The following RASGRP3 variants were observed in gnomAD, a reference collection of about 807,000 sequenced individuals.
RASGRP3 encodes RAS guanyl releasing protein 3.
RASGRP3 carries 54 observed loss-of-function variants against 82.7 expected under a neutral mutation model. The observed-to-expected ratio is 0.65, with a 90% CI of 0.52 to 0.82. The LOEUF is 0.82. Ranked by LOEUF, RASGRP3 falls within the 40% of genes least tolerant of loss-of-function variation. The pLI is 0.00. For synonymous variants in RASGRP3, 309 were observed against 300.5 expected, an observed-to-expected ratio of 1.03 and a Z score of -0.29; for missense variants, 861 against 828.9, an observed-to-expected ratio of 1.04 and a Z score of -0.48.
intron 1 of RASGRP3, among the ~76,000 whole-genome samples, chr2:33,438,711 T>A (rs1247519776): frequency 1.3e-5 from 2 of 152,220 alleles, no homozygotes; most frequent in African/African-American, 4.8e-5. Flanking sequence ...GTTAGCTAAT[T>A]TTGAAAAAAA....
chr2:33,468,252 T>G (rs1445543331), intron 2 of RASGRP3, among the ~76,000 whole-genome samples: 1 of 152,080 alleles, frequency 6.6e-6, no homozygotes, highest in Non-Finnish European at 1.5e-5. Flanking sequence ...CCAGAAATAA[T>G]CACTATTAAA....
At chr2:33,524,139 C>T (rs1322038881) in intron 8 of RASGRP3, 87 bp downstream of exon 8, 1 of 1,459,118 alleles carries the variant, frequency 6.9e-7, no homozygotes, top group African/African-American at 1.4e-5. Context: ...GTGGCGTTCA[C>T]AGTATAAGGG....
At chr2:33,533,635 C>G (rs1234753005) in intron 10 of RASGRP3, 2 of 152,186 alleles carry the variant, frequency 1.3e-5, no homozygotes. Context: ...GGTTACAGAG[C>G]TAGCCAGTGG....
At chr2:33,552,374 G>A (rs1050263083) in intron 14 of RASGRP3, among the ~76,000 whole-genome samples, 6 of 152,166 alleles carry the variant, frequency 3.9e-5, no homozygotes, top group Admixed American at 2.6e-4. Flanking sequence ...TATTAGACAC[G>A]TTGCACGTCA....
intron 1 of RASGRP3, among the ~76,000 whole-genome samples, chr2:33,497,973 C>CCCTTTCTCCAGCCCTTCTTT (rs879261252): frequency 0.022 from 3,405 of 151,954 alleles, 140 homozygotes; most frequent in East Asian, 0.13. Context: ...TTTTTCCCCT[C>CCCTTTCTCCAGCCCTTCTTT]CCTTTCTCCA....
At chr2:33,532,952 C>T (rs191909647) in intron 10 of RASGRP3, 4 of 152,312 alleles carry the variant, frequency 2.6e-5, no homozygotes, top group Admixed American at 2.0e-4. Flanking sequence ...GAAAAGGAAT[C>T]TTTGAAAACA....
At chr2:33,470,093 C>T (rs1017416769) in intron 2 of RASGRP3, among the ~76,000 whole-genome samples, 2 of 152,036 alleles carry the variant, frequency 1.3e-5, no homozygotes, top group Non-Finnish European at 2.9e-5. Flanking sequence ...CTTTACCATT[C>T]TCAGTTTTTT....
At chr2:33,520,056 C>T (rs770776589) in intron 5 of RASGRP3, 42 bp downstream of exon 5, 1 of 1,473,944 alleles carries the variant, frequency 6.8e-7, no homozygotes, top group Non-Finnish European at 9.3e-7. Context: ...GTTTCTGGTT[C>T]TGGAATCGTG....
chr2:33,474,995 C>CCAT (rs1667273358), upstream of RASGRP3, among the ~76,000 whole-genome samples: 2 of 152,060 alleles, frequency 1.3e-5, no homozygotes, highest in African/African-American at 4.8e-5. Context: ...TGGATGGATG[C>CCAT]CATCAGATCA....
chr2:33,562,636 C>G, intron 17 of RASGRP3, 93 bp from the exon 18 acceptor site: 1 of 1,326,248 alleles, frequency 7.5e-7, no homozygotes, highest in Non-Finnish European at 1.1e-6. Context: ...TTCAGATGTT[C>G]CCTCAAAGTC....
chr2:33,463,025 G>A (rs1364795401), intron 2 of RASGRP3, among the ~76,000 whole-genome samples: 6 of 152,074 alleles, frequency 3.9e-5, no homozygotes, highest in Admixed American at 6.6e-5. Flanking sequence ...ATCAACAGTG[G>A]CATTTCAGAA....
intron 1 of RASGRP3, among the ~76,000 whole-genome samples, chr2:33,507,732 G>C (rs1014537262): frequency 6.6e-6 from 1 of 152,058 alleles, no homozygotes; most frequent in African/African-American, 2.4e-5. Flanking sequence ...CACCATGTTG[G>C]CCAGGCTGGT....
intron 4 of RASGRP3, among the ~76,000 whole-genome samples, chr2:33,517,999 C>A (rs899716236): frequency 2.6e-5 from 4 of 152,106 alleles, no homozygotes; most frequent in Non-Finnish European, 4.4e-5. Flanking sequence ...AATAAATACG[C>A]TTACAAGTAA....
At chr2:33,489,305 C>G (rs1437379161) in intron 1 of RASGRP3, among the ~76,000 whole-genome samples, 2 of 152,190 alleles carry the variant, frequency 1.3e-5, no homozygotes, top group South Asian at 2.1e-4. Context: ...AACATTTTTG[C>G]TTGTCTGCTG....
At chr2:33,482,386 G>A (rs1668018081) in intron 1 of RASGRP3, 1 of 152,144 alleles carries the variant, frequency 6.6e-6, no homozygotes, top group South Asian at 2.1e-4. Context: ...TAGTCAAGTT[G>A]GAGTTATACC....
intron 2 of RASGRP3, among the ~76,000 whole-genome samples, chr2:33,456,986 T>C (rs1157243899): frequency 6.8e-6 from 1 of 147,480 alleles, no homozygotes; most frequent in African/African-American, 2.5e-5. Flanking sequence ...CACTGCAGCC[T>C]CTGCCTCCCA....
intron 1 of RASGRP3, among the ~76,000 whole-genome samples, chr2:33,500,723 C>T (rs530356330): frequency 6.6e-6 from 1 of 152,178 alleles, no homozygotes; most frequent in South Asian, 2.1e-4. Context: ...ATCACAAGGT[C>T]AGGAGTTTGA....
chr2:33,541,043 T>C (rs1164208862), intron 12 of RASGRP3, among the ~76,000 whole-genome samples: 2 of 146,990 alleles, frequency 1.4e-5, no homozygotes, highest in Non-Finnish European at 3.0e-5. Flanking sequence ...TACTGGGAAT[T>C]AATTAAAACT....
intron 15 of RASGRP3, among the ~76,000 whole-genome samples, chr2:33,556,819 A>C (rs1018485840): frequency 4.0e-5 from 6 of 151,874 alleles, no homozygotes; most frequent in Non-Finnish European, 8.8e-5. Flanking sequence ...AGCAGCAAAG[A>C]TACTGCAAGA....
Sources: allele counts gnomAD v4.1 joint callset (sites outside exome capture counted in the v4.1 genomes callset), GRCh38; gene constraint gnomAD v4.1.1; transcripts MANE v1.5; gene names NCBI Gene and HGNC (gene_info 2026-07-23, HGNC 2026-07-21).